Variants in TANGO6 observed in about 807,000 individuals in gnomAD.
The protein encoded by TANGO6 is transport and golgi organization 6 homolog.
TANGO6 carries 90 observed loss-of-function variants against 114.2 expected under a neutral mutation model. The observed-to-expected ratio is 0.79, with a 90% CI of 0.66 to 0.94. The LOEUF (loss-of-function observed/expected upper bound fraction) is 0.94. Among genes scored for constraint, TANGO6 ranks in the 40% least tolerant of loss-of-function variants. The pLI, the probability that TANGO6 is intolerant of heterozygous loss-of-function variation, is 0.00. For missense variants in TANGO6, 1,274 were observed against 1,315.3 expected, an observed-to-expected ratio of 0.97 and a Z score of 0.49; for synonymous variants, 477 against 509.8, an observed-to-expected ratio of 0.94 and a Z score of 0.87.
At chr16:68,848,921 C>G (rs1282659355) in intron 1 of TANGO6, among the ~76,000 whole-genome samples, 1 of 151,992 alleles carries the variant, frequency 6.6e-6, no homozygotes, top group African/African-American at 2.4e-5. Flanking sequence ...ACTCCTTGCT[C>G]TCAAGCAGAA....
At chr16:68,847,637 G>T (rs141052807) in intron 1 of TANGO6, among the ~76,000 whole-genome samples, 68 of 152,278 alleles carry the variant, frequency 4.5e-4, no homozygotes, top group African/African-American at 1.5e-3. Flanking sequence ...TCCGTTTGAG[G>T]TATACATTAG....
At chr16:68,910,408 C>T (rs1012874948) in intron 11 of TANGO6, among the ~76,000 whole-genome samples, 8 of 152,150 alleles carry the variant, frequency 5.3e-5, no homozygotes, top group Non-Finnish European at 1.2e-4. Flanking sequence ...ATTCTCTGGA[C>T]ACTTCTTCAT....
intron 14 of TANGO6, among the ~76,000 whole-genome samples, chr16:68,949,181 C>T (rs886947856): frequency 4.0e-5 from 6 of 151,764 alleles, no homozygotes; most frequent in East Asian, 3.9e-4. Context: ...AGTGAAACTC[C>T]GTCTCAAAAA....
intron 15 of TANGO6, among the ~76,000 whole-genome samples, chr16:69,007,562 G>A (rs1039557332): frequency 6.6e-6 from 1 of 152,044 alleles, no homozygotes; most frequent in South Asian, 2.1e-4. Flanking sequence ...ACTGTGCCCG[G>A]CCTGGATATG....
intron 12 of TANGO6, among the ~76,000 whole-genome samples, chr16:68,927,128 T>C (rs191754858): frequency 2.6e-5 from 4 of 152,308 alleles, no homozygotes; most frequent in Admixed American, 1.3e-4. Flanking sequence ...CTGGCCACTT[T>C]AGATCATGTA....
intron 16 of TANGO6, among the ~76,000 whole-genome samples, chr16:69,027,387 C>G (rs1431721545): frequency 6.6e-6 from 1 of 151,962 alleles, no homozygotes; most frequent in Non-Finnish European, 1.5e-5. Flanking sequence ...TTTAACTGTT[C>G]TCTGAGGGAT....
Position 68,864,746 on chromosome 16 carries a change from A to C in TANGO6, c.852+1685A>C, listed in dbSNP as rs79397528. Among the ~76,000 whole-genome samples the C allele has an allele frequency of 4.8e-3, 734 of 152,034 alleles. 4 individuals carry two copies. Among genetic ancestry groups the C allele is most frequent in the African/African-American group, 0.017 (711 of 41,476 alleles). Reference sequence around the variant, plus strand: ...TTCCATCAGGCCTCTCTGGCATTCAACCCCCGTGTGCAGGTGTTTGAATTT... The same window carrying C: ...TTCCATCAGGCCTCTCTGGCATTCACCCCCCGTGTGCAGGTGTTTGAATTT... On this transcript the variant is annotated intron_variant, in intron 3 of 17. Transcript: ENST00000261778.
intron 7 of TANGO6, among the ~76,000 whole-genome samples, chr16:68,887,268 C>G (rs1405681133): frequency 6.6e-6 from 1 of 152,214 alleles, no homozygotes; most frequent in Non-Finnish European, 1.5e-5. Context: ...CTGTCATGTG[C>G]ACCATTGCCA....
intron 12 of TANGO6, chr16:68,926,959 T>C (rs545938819): frequency 5.3e-4 from 82 of 153,388 alleles, no homozygotes; most frequent in Non-Finnish European, 1.0e-3. Flanking sequence ...GTAACACTCA[T>C]GCACCTTTCT....
Position 69,036,370 on chromosome 16 carries a change from C to T in TANGO6, c.2995-3938C>T, listed in dbSNP as rs180972260. On this transcript the variant is annotated intron_variant, in intron 16 of 17. Transcript: ENST00000261778. The stretch of plus-strand genomic sequence containing the variant: ...ACTGTTCTTATATTTAGATGATATC[C>T]GTAAGACCATATTAAAATTCCGATG... 1.2e-4 allele frequency among the ~76,000 whole-genome samples: 18 copies of T among 152,208 alleles called. No homozygotes were observed. In the East Asian group the frequency reaches 2.5e-3, roughly 21 times the overall value.
intron 14 of TANGO6, among the ~76,000 whole-genome samples, chr16:68,948,448 G>T (rs1245433397): frequency 1.3e-5 from 2 of 152,142 alleles, no homozygotes; most frequent in Non-Finnish European, 2.9e-5. Flanking sequence ...CAGTGACTCA[G>T]ATACCTCATG....
intron 4 of TANGO6, among the ~76,000 whole-genome samples, chr16:68,870,949 T>G (rs1241348042): frequency 1.8e-5 from 2 of 111,088 alleles, no homozygotes; most frequent in African/African-American, 1.1e-4. Context: ...CCCGGCTAAT[T>G]TTTTTTTTTT....
intron 14 of TANGO6, among the ~76,000 whole-genome samples, chr16:68,932,951 C>G (rs1055127682): frequency 2.6e-5 from 4 of 152,036 alleles, no homozygotes; most frequent in African/African-American, 9.7e-5. Flanking sequence ...GAGTTAATTC[C>G]TTGCAACTGC....
At chr16:69,066,665 C>A (rs553630328) in intron 17 of TANGO6, among the ~76,000 whole-genome samples, 2 of 152,234 alleles carry the variant, frequency 1.3e-5, no homozygotes, top group South Asian at 2.1e-4. Flanking sequence ...AATAACAATA[C>A]TTTGAATTAT....
At chr16:68,856,773 A>G (rs1022176793) in intron 1 of TANGO6, among the ~76,000 whole-genome samples, 2 of 152,230 alleles carry the variant, frequency 1.3e-5, no homozygotes, top group Non-Finnish European at 2.9e-5. Context: ...TCATATATCC[A>G]TCATTATAGT....
chr16:69,059,120 G>T (rs939835593), intron 17 of TANGO6, among the ~76,000 whole-genome samples: 1 of 151,158 alleles, frequency 6.6e-6, no homozygotes, highest in South Asian at 2.1e-4. Context: ...TGTTGCCCAG[G>T]CTGGAGTGCA....
intron 15 of TANGO6, among the ~76,000 whole-genome samples, chr16:69,006,624 G>A (rs1227952575): frequency 3.9e-5 from 6 of 151,900 alleles, no homozygotes; most frequent in East Asian, 1.9e-4. Context: ...GGTGGCACGC[G>A]CCTGTAATCC....
At chr16:69,009,081 T>C (rs1483393836) in intron 15 of TANGO6, among the ~76,000 whole-genome samples, 2 of 138,932 alleles carry the variant, frequency 1.4e-5, no homozygotes, top group Admixed American at 7.1e-5. Flanking sequence ...TCTTTTTTTT[T>C]TTTTTTTTTT....
At chr16:68,922,249 A>C (rs1048662495) in intron 12 of TANGO6, among the ~76,000 whole-genome samples, 5 of 151,928 alleles carry the variant, frequency 3.3e-5, no homozygotes, top group Admixed American at 3.3e-4. Context: ...AATTAAAAAA[A>C]AAAAAAGGCC....
Sources: gnomAD v4.1 joint callset for allele counts (sites outside exome capture counted in the v4.1 genomes callset) on GRCh38, gnomAD v4.1.1 for gene constraint, MANE v1.5 for transcripts, NCBI Gene and HGNC (gene_info 2026-07-23, HGNC 2026-07-21) for gene names.